Variants in ENPEP observed in about 807,000 individuals in gnomAD.
ENPEP encodes AP-A.
ENPEP carries 103 observed loss-of-function variants against 114.5 expected under a neutral mutation model. The observed-to-expected ratio is 0.90, with a 90% confidence interval of 0.77 to 1.06. The LOEUF (loss-of-function observed/expected upper bound fraction) is 1.06. Ranked by LOEUF, ENPEP falls within the 50% of genes least tolerant of loss-of-function variation. The probability of loss-of-function intolerance (pLI) is 0.00; values close to 1 mark genes in which losing one functional copy is unlikely to be tolerated. For missense variants in ENPEP, 1,196 were observed against 1,161.3 expected, an observed-to-expected ratio of 1.03 and a Z score of -0.43; for synonymous variants, 420 against 422.0, an observed-to-expected ratio of 1.00 and a Z score of 0.06.
chr4:110,521,598 T>C (rs758226562), intron 10 of ENPEP, among the ~76,000 whole-genome samples: 3 of 151,928 alleles, frequency 2.0e-5, no homozygotes, highest in Admixed American at 6.6e-5. Flanking sequence ...CTTTATAAGA[T>C]GCATAATTAA....
chr4:110,490,960 C>G lies in ENPEP; in HGVS notation c.787-73C>G, dbSNP rs183485295. ...GCTAGAAAGCAAGGTTTGGGGCAACCGTTTATTTGTTTGTCTTGCATATAT... is the reference window on the plus strand; with the variant it reads ...GCTAGAAAGCAAGGTTTGGGGCAACGGTTTATTTGTTTGTCTTGCATATAT... On this transcript the variant is annotated intron_variant, in intron 2 of 19. Transcript: ENST00000265162. 9.9e-5 allele frequency: 146 copies of G among 1,477,338 alleles called. No individual in the cohort carries two copies. In the African/African-American group the frequency reaches 1.8e-3, roughly 18 times the overall value. 91.5% of individuals were successfully genotyped at this position (1,477,338 alleles called of 1,614,324 possible).
intron 3 of ENPEP, among the ~76,000 whole-genome samples, chr4:110,494,086 C>T (rs1053505592): frequency 1.3e-5 from 2 of 152,196 alleles, no homozygotes; most frequent in South Asian, 2.1e-4. Context: ...ATATGATAGT[C>T]ATAAAAGAAA....
At chr4:110,544,670 T>C (rs1485076410) in intron 13 of ENPEP, among the ~76,000 whole-genome samples, 1 of 152,154 alleles carries the variant, frequency 6.6e-6, no homozygotes, top group Non-Finnish European at 1.5e-5. Context: ...AAGCTCAGCT[T>C]CTTCACTGTT....
chr4:110,491,223 C>T (rs1724698430), intron 3 of ENPEP, 59 bp downstream of exon 3: 13 of 1,361,514 alleles, frequency 9.5e-6, no homozygotes, highest in Admixed American at 8.0e-5. Flanking sequence ...AATTATCTAC[C>T]TTTTTTGGGT....
intron 3 of ENPEP, among the ~76,000 whole-genome samples, chr4:110,505,497 C>T (rs540261868): frequency 2.6e-5 from 4 of 152,266 alleles, no homozygotes; most frequent in South Asian, 2.1e-4. Flanking sequence ...TCTTTATATT[C>T]GTGAATCATT....
intron 7 of ENPEP, among the ~76,000 whole-genome samples, chr4:110,514,504 T>G (rs1310250452): frequency 6.6e-6 from 1 of 152,096 alleles, no homozygotes; most frequent in Non-Finnish European, 1.5e-5. Flanking sequence ...TCGAATCCAC[T>G]TATAGCCTAT....
intron 11 of ENPEP, among the ~76,000 whole-genome samples, chr4:110,542,322 A>G (rs374105035): frequency 6.6e-6 from 1 of 152,076 alleles, no homozygotes; most frequent in East Asian, 1.9e-4. Context: ...TTACATTTGT[A>G]TCCCCTCCCC....
At chr4:110,520,135 A>G in intron 9 of ENPEP, 62 bp downstream of exon 9, 1 of 1,596,690 alleles carries the variant, frequency 6.3e-7, no homozygotes, top group Non-Finnish European at 8.6e-7. Flanking sequence ...CTTACCAATC[A>G]TTTTCTAATC....
intron 4 of ENPEP, among the ~76,000 whole-genome samples, chr4:110,508,948 A>G (rs1725474831): frequency 6.6e-6 from 1 of 152,226 alleles, no homozygotes; most frequent in South Asian, 2.1e-4. Flanking sequence ...TTCTGTTTAC[A>G]GTTCATTAAC....
At chr4:110,532,294 C>A (rs1560565315) in intron 11 of ENPEP, among the ~76,000 whole-genome samples, 1 of 152,192 alleles carries the variant, frequency 6.6e-6, no homozygotes, top group Non-Finnish European at 1.5e-5. Flanking sequence ...CCCTAAGCAA[C>A]CACTAATGTA....
At chr4:110,520,159 C>G (rs899467043) in intron 9 of ENPEP, 56 bp from the exon 10 acceptor site, 1 of 1,594,450 alleles carries the variant, frequency 6.3e-7, no homozygotes, top group African/African-American at 1.3e-5. Context: ...CTATTCTATC[C>G]TTTTATTTTC....
Position 110,476,904 on chromosome 4 carries a change from A to G in ENPEP, c.490A>G (p.Lys164Glu). 2 of 1,614,158 alleles carry G rather than the reference A, an allele frequency of 1.2e-6. No individual in the cohort carries two copies. The highest frequency in any genetic ancestry group is 1.7e-6 in the Non-Finnish European group (2 of 1,180,026). ...GCAAGTCCGGAGGTGTTTCGAGTACAAAAAGCAGGAGTACGTGGTGGTCGA... is the reference window on the plus strand; with the variant it reads ...GCAAGTCCGGAGGTGTTTCGAGTACGAAAAGCAGGAGTACGTGGTGGTCGA... Reference protein sequence around the residue: ...QVQVRRCFEYKKQEYVVVEAE... With the variant: ...QVQVRRCFEYEKQEYVVVEAE... Residue 164 changes from lysine (K) to glutamate (E), a missense_variant, in exon 1 of 20, where the codon AAA becomes GAA. Coordinates refer to ENST00000265162, the MANE Select transcript of ENPEP (RefSeq NM_001977.4).
At chr4:110,545,485 T>C (rs1350206862) in intron 13 of ENPEP, among the ~76,000 whole-genome samples, 3 of 152,038 alleles carry the variant, frequency 2.0e-5, no homozygotes, top group Admixed American at 6.6e-5. Context: ...GCCAGTCACC[T>C]GCAATGGGAA....
At chr4:110,507,835 T>G (rs555218983) in intron 4 of ENPEP, among the ~76,000 whole-genome samples, 1 of 152,064 alleles carries the variant, frequency 6.6e-6, no homozygotes, top group South Asian at 2.1e-4. Context: ...ATTAGCCAGG[T>G]GTTGTGGCAC....
At chr4:110,525,715 G>A (rs1423367057) in intron 10 of ENPEP, among the ~76,000 whole-genome samples, 1 of 152,178 alleles carries the variant, frequency 6.6e-6, no homozygotes, top group African/African-American at 2.4e-5. Context: ...AGCAAATTAG[G>A]TTGGCCAACT....
At chr4:110,495,582 G>A (rs998138950) in intron 3 of ENPEP, among the ~76,000 whole-genome samples, 3 of 152,168 alleles carry the variant, frequency 2.0e-5, no homozygotes, top group South Asian at 2.1e-4. Flanking sequence ...TCAGCCGGGC[G>A]TGATGGTGTG....
intron 11 of ENPEP, among the ~76,000 whole-genome samples, chr4:110,538,479 G>C (rs1388778112): frequency 2.0e-5 from 3 of 152,146 alleles, no homozygotes; most frequent in Admixed American, 1.3e-4. Context: ...TCCTTCTCTG[G>C]ATTAGGCTTT....
At chr4:110,551,179 G>A (rs977835660) in intron 17 of ENPEP, among the ~76,000 whole-genome samples, 7 of 151,314 alleles carry the variant, frequency 4.6e-5, no homozygotes. Flanking sequence ...TGTGCTGATT[G>A]TATCTGGTAA....
chr4:110,483,177 C>T lies in ENPEP; in HGVS notation c.645-5364C>T, dbSNP rs937271628. Among the ~76,000 whole-genome samples, 8 of 152,080 alleles carry T rather than the reference C, an allele frequency of 5.3e-5. 1 individual carries two copies. The highest frequency in any genetic ancestry group is 1.9e-4 in the African/African-American group (8 of 41,418). The stretch of plus-strand genomic sequence containing the variant: ...TTGGAAAATAAAGTTAAATAACTAA[C>T]TGGTTCATTCAAACCACCATAAAAA... On this transcript the variant is annotated intron_variant, in intron 1 of 19. Transcript: ENST00000265162.
Sources: gnomAD v4.1 joint callset for allele counts (sites outside exome capture counted in the v4.1 genomes callset) on GRCh38, gnomAD v4.1.1 for gene constraint, MANE v1.5 for transcripts, NCBI Gene and HGNC (gene_info 2026-07-23, HGNC 2026-07-21) for gene names.